TAF4: variants seen among roughly 807,000 people sequenced by gnomAD.
TAF4 encodes TATA-box binding protein associated factor 4, also known as transcription initiation factor TFIID subunit 4.
A neutral mutation model predicts 90.3 loss-of-function variants in TAF4; 9 were observed. The ratio of observed to expected loss-of-function variants is 0.10; its 90% CI spans 0.06 to 0.17. The LOEUF is 0.17. TAF4 is among the 10% of genes least tolerant of loss of function. TAF4 has a pLI of 1.00. For missense variants in TAF4, 1,351 were observed against 1,370.7 expected (o/e 0.99, Z 0.23); for synonymous variants, 818 against 638.9 (o/e 1.28, Z -4.23).
At chr20:62,051,454 C>T (rs1226974600) in intron 1 of TAF4, among the ~76,000 whole-genome samples, 1 of 152,180 alleles carries the variant, frequency 6.6e-6, no homozygotes. Context: ...CCCCACAGGG[C>T]CCTGGGACTG....
intron 14 of TAF4, among the ~76,000 whole-genome samples, chr20:61,987,939 G>A (rs2055604189): frequency 6.6e-6 from 1 of 152,238 alleles, no homozygotes; most frequent in Admixed American, 6.5e-5. Context: ...AGGAACCTCA[G>A]GTGGATATTC....
chr20:62,015,437 T>C (rs1568932677), intron 1 of TAF4, among the ~76,000 whole-genome samples: 1 of 152,290 alleles, frequency 6.6e-6, no homozygotes, highest in South Asian at 2.1e-4. Flanking sequence ...AGCAACACAA[T>C]TGTCCAACTT....
At chr20:61,999,539 C>A (rs2055685414) in intron 11 of TAF4, among the ~76,000 whole-genome samples, 1 of 152,208 alleles carries the variant, frequency 6.6e-6, no homozygotes, top group Non-Finnish European at 1.5e-5. Flanking sequence ...TATGTGACTG[C>A]TGGTGAGGAA....
intron 1 of TAF4, among the ~76,000 whole-genome samples, chr20:62,035,297 A>G (rs1239350140): frequency 6.6e-6 from 1 of 152,258 alleles, no homozygotes; most frequent in African/African-American, 2.4e-5. Flanking sequence ...TACCTCTAGT[A>G]GATATCAAGA....
intron 14 of TAF4, among the ~76,000 whole-genome samples, chr20:61,987,148 C>T (rs1159464460): frequency 1.3e-5 from 2 of 152,228 alleles, no homozygotes; most frequent in Non-Finnish European, 2.9e-5. Flanking sequence ...GACACGCCAG[C>T]CGGCCCGCGG....
Position 62,010,157 on chromosome 20 carries a change from G to C in TAF4, c.1650C>G (p.Leu550=), listed in dbSNP as rs542484262. Residue 550 remains leucine (L), a synonymous_variant, in exon 4 of 15, where the codon CTC becomes CTG. Coordinates refer to ENST00000252996, the MANE Select transcript of TAF4 (RefSeq NM_003185.4). The surrounding 1 kb of genome is among the most constrained non-coding windows in gnomAD (Gnocchi z 4.5). The part of the protein sequence containing the change: ...LQRSPGVQPQ[L]VLGGAAQTAS... Reference sequence around the variant, plus strand: ...CCGTCTGGGCAGCGCCACCCAGAACGAGCTGAGGCTACAAGAATCCAAAAA... The same window carrying C: ...CCGTCTGGGCAGCGCCACCCAGAACCAGCTGAGGCTACAAGAATCCAAAAA... 11 of 1,613,746 alleles carry C rather than the reference G, an allele frequency of 6.8e-6. No homozygotes were observed. The highest frequency in any genetic ancestry group is 9.3e-6 in the Non-Finnish European group (11 of 1,180,028).
At chr20:62,007,658 G>T in intron 5 of TAF4, 22 bp from the exon 6 acceptor site, 1 of 1,587,906 alleles carries the variant, frequency 6.3e-7, no homozygotes, top group South Asian at 1.1e-5. Context: ...AATCCATGTT[G>T]AAATTCTGGT....
chr20:62,059,959 C>T (rs1202591183), intron 1 of TAF4, among the ~76,000 whole-genome samples: 1 of 152,266 alleles, frequency 6.6e-6, no homozygotes, highest in East Asian at 1.9e-4. Flanking sequence ...TCACATTATA[C>T]AGTAGAAAAG....
intron 1 of TAF4, among the ~76,000 whole-genome samples, chr20:62,031,688 T>C (rs1190610607): frequency 6.6e-6 from 1 of 152,154 alleles, no homozygotes; most frequent in Non-Finnish European, 1.5e-5. Context: ...TCATTAATCA[T>C]ATCTTCTTGG....
chr20:61,982,143 T>A (rs201547849), intron 14 of TAF4, among the ~76,000 whole-genome samples: 2 of 30,532 alleles, frequency 6.6e-5, no homozygotes, highest in African/African-American at 1.3e-4. Context: ...ATACCCACCC[T>A]AGAAGAGACA....
intron 11 of TAF4, among the ~76,000 whole-genome samples, chr20:61,999,835 G>A (rs927952918): frequency 7.9e-5 from 12 of 152,214 alleles, no homozygotes; most frequent in Non-Finnish European, 1.6e-4. Flanking sequence ...TGTAATCCCA[G>A]CTACTTGGGA....
chr20:62,028,710 G>C (rs1028784585), intron 1 of TAF4, among the ~76,000 whole-genome samples: 4 of 152,122 alleles, frequency 2.6e-5, no homozygotes, highest in African/African-American at 9.7e-5. Context: ...AAAAGCTCGT[G>C]AGCAGCCTTC....
intron 14 of TAF4, among the ~76,000 whole-genome samples, chr20:61,993,600 G>A (rs1258246634): frequency 2.6e-5 from 4 of 152,206 alleles, no homozygotes; most frequent in African/African-American, 7.2e-5. Context: ...GCACAACTGG[G>A]GACTGGCAGG....
At chr20:62,003,980 C>T (rs145555106) in intron 7 of TAF4, 102 bp from the exon 8 acceptor site, 232 of 1,391,196 alleles carry the variant, frequency 1.7e-4, no homozygotes, top group African/African-American at 3.2e-4. Flanking sequence ...TTGCACCCCA[C>T]GCCCCCAGTA....
At chr20:62,050,146 C>T (rs2056018267) in intron 1 of TAF4, among the ~76,000 whole-genome samples, 1 of 152,218 alleles carries the variant, frequency 6.6e-6, no homozygotes, top group Non-Finnish European at 1.5e-5. Context: ...AAACAGGTAA[C>T]ACCCAGAGCC....
chr20:62,048,150 G>T (rs1380050007), intron 1 of TAF4, among the ~76,000 whole-genome samples: 2 of 152,230 alleles, frequency 1.3e-5, no homozygotes, highest in Non-Finnish European at 2.9e-5. Context: ...AATTCCCTGT[G>T]GCTGCGACAT....
chr20:62,011,440 G>C (rs544234912), intron 3 of TAF4, among the ~76,000 whole-genome samples: 19 of 152,236 alleles, frequency 1.2e-4, no homozygotes, highest in African/African-American at 4.3e-4. Flanking sequence ...TTAACCATAA[G>C]CTCCAACTAC....
intron 1 of TAF4, among the ~76,000 whole-genome samples, chr20:62,016,430 G>A (rs1378563767): frequency 1.3e-5 from 2 of 152,244 alleles, no homozygotes; most frequent in African/African-American, 2.4e-5. Flanking sequence ...AGCAGGCAGA[G>A]GAACGTGGAA....
chr20:62,048,550 C>T lies in TAF4; in HGVS notation c.1360+15901G>A, dbSNP rs573090984. Among the ~76,000 whole-genome samples, 14 of 152,216 alleles carry T rather than the reference C, an allele frequency of 9.2e-5. 1 individual carries two copies. In the South Asian group the frequency reaches 2.9e-3, roughly 31 times the overall value. ...ACAAACCCACTGCACTTCCAGGGTC[C>T]TCGTGTGGGGCCACACCTCTGTTAA... is the stretch of plus-strand genomic sequence containing the variant. On this transcript the variant is annotated intron_variant, in intron 1 of 14. Coordinates refer to ENST00000252996, the MANE Select transcript of TAF4 (RefSeq NM_003185.4).
Sources: gnomAD v4.1 joint callset for allele counts (sites outside exome capture counted in the v4.1 genomes callset) on GRCh38, gnomAD v4.1.1 for gene constraint, Gnocchi (gnomAD v3.1) non-coding constraint, MANE v1.5 for transcripts, NCBI Gene and HGNC (gene_info 2026-07-23, HGNC 2026-07-21) for gene names.